The following LRIG1 variants were observed in gnomAD, a reference collection of about 807,000 sequenced individuals.
LRIG1 encodes the protein leucine-rich repeats and immunoglobulin-like domains protein 1.
LRIG1 carries 48 observed loss-of-function variants against 99.2 expected under a neutral mutation model. The ratio of observed to expected loss-of-function variants is 0.48; its 90% CI spans 0.38 to 0.62. The LOEUF is 0.62. Ranked by LOEUF, LRIG1 falls within the 20% of genes least tolerant of loss-of-function variation. LRIG1 has a pLI of 0.00. For missense variants in LRIG1, 1,646 were observed against 1,434.4 expected, an observed-to-expected ratio of 1.15 and a Z score of -2.38; for synonymous variants, 772 against 596.1, an observed-to-expected ratio of 1.29 and a Z score of -4.30.
intron 4 of LRIG1, 89 bp downstream of exon 4, chr3:66,417,040 C>A (rs1270892025): frequency 6.6e-7 from 1 of 1,505,738 alleles, no homozygotes; most frequent in Non-Finnish European, 9.1e-7. Flanking sequence ...AGGAAGCATC[C>A]CTCCTGCATC....
intron 1 of LRIG1, among the ~76,000 whole-genome samples, chr3:66,497,704 C>CAAAAAAAA (rs71616223): frequency 1.1e-5 from 1 of 89,264 alleles, no homozygotes; most frequent in Non-Finnish European, 2.0e-5. Flanking sequence ...GCACTGTTTA[C>CAAAAAAAA]AAAAAAAAAA....
chr3:66,490,823 G>A (rs1701085888), intron 1 of LRIG1, among the ~76,000 whole-genome samples: 1 of 152,132 alleles, frequency 6.6e-6, no homozygotes, highest in African/African-American at 2.4e-5. Flanking sequence ...CCTGGAATTT[G>A]ATTTTCACAG....
Position 66,447,741 on chromosome 3 carries a change from G to A in LRIG1, c.365+3818C>T, listed in dbSNP as rs114646570. Among the ~76,000 whole-genome samples, 712 of 152,236 alleles carry A rather than the reference G, an allele frequency of 4.7e-3. 10 individuals are homozygous for A. Among genetic ancestry groups the A allele is most frequent in the African/African-American group, 0.012 (516 of 41,538 alleles). On this transcript the variant is annotated intron_variant, in intron 3 of 18. Coordinates refer to ENST00000273261, the MANE Select transcript of LRIG1 (RefSeq NM_015541.3). ...TACTCCCAGGACTGAAAAATTCAAC[G>A]ATTTCCACTGTCACCAATCTTCTCG...
chr3:66,472,572 A>C (rs1700627770), intron 1 of LRIG1, among the ~76,000 whole-genome samples: 1 of 152,166 alleles, frequency 6.6e-6, no homozygotes, highest in Non-Finnish European at 1.5e-5. Flanking sequence ...AAAGAGCAAA[A>C]TACCTGTTTT....
chr3:66,390,304 T>C (rs1436438671), intron 12 of LRIG1, among the ~76,000 whole-genome samples: 2 of 152,202 alleles, frequency 1.3e-5, no homozygotes, highest in African/African-American at 4.8e-5. Flanking sequence ...TTCAATTACA[T>C]TTCTGTATAC....
chr3:66,433,296 C>T (rs914252480), intron 3 of LRIG1, among the ~76,000 whole-genome samples: 4 of 152,252 alleles, frequency 2.6e-5, no homozygotes, highest in African/African-American at 9.6e-5. Context: ...CTGTGCCGCT[C>T]TCTGGAGTGA....
rs1010797103 is a variant in LRIG1 at position 66,380,253 on chromosome 3, T to C, written c.*10A>G. 6.9e-6 allele frequency: 11 copies of C among 1,604,884 alleles called. No individual in the cohort carries two copies. The highest frequency in any genetic ancestry group is 3.3e-4 in the Middle Eastern group (2 of 6,012). Reference sequence around the variant, plus strand: ...GAGATTGGTATGACAAGAACTGAGGTAGACAAAACCTAGCTTTTTGGTGCC... The same window carrying C: ...GAGATTGGTATGACAAGAACTGAGGCAGACAAAACCTAGCTTTTTGGTGCC... On this transcript the variant is annotated 3_prime_UTR_variant, in exon 19 of 19. Transcript: ENST00000273261.
At position 66,394,110 on chromosome 3, in the gene LRIG1, G is replaced by A. The variant is rs1178048216; in HGVS notation, c.1398C>T (p.Ala466=). Residue 466 remains alanine, a synonymous_variant, in exon 12 of 19, where the codon GCC becomes GCT. Coordinates refer to ENST00000273261, the MANE Select transcript of LRIG1 (RefSeq NM_015541.3). ...IGRMLQAFVT[A]TCAHPESLKG... ...TCAGTGATTCTGGGTGGGCACAGGT[G>A]GCTGTCACAAAGGCCTGCAGCATCC... The A allele has an allele frequency of 5.0e-6, 8 of 1,613,830 alleles. No individual in the cohort carries two copies. The highest frequency in any genetic ancestry group is 6.8e-6 in the Non-Finnish European group (8 of 1,179,950).
At position 66,500,400 on chromosome 3, in the gene LRIG1, C is replaced by T; in HGVS notation, c.8G>A (p.Arg3Gln). The change falls in exon 1 of 19, where the codon CGG becomes CAG. Residue 3 changes from arginine to glutamine, a missense_variant. Coordinates refer to ENST00000273261, the MANE Select transcript of LRIG1 (RefSeq NM_015541.3). The part of the protein sequence containing the change: MA[R>Q]PVRGGLGAPR... ...GGCCCCGAGCCCTCCCCGGACCGGC[C>T]GCGCCATCTTGTCTGGAGCGCGCTG... 1 of 1,419,412 alleles carries T rather than the reference C, an allele frequency of 7.0e-7. No homozygotes were observed. Among genetic ancestry groups the T allele is most frequent in the Non-Finnish European group, 9.1e-7 (1 of 1,094,654 alleles). 87.9% of individuals were successfully genotyped at this position (1,419,412 alleles called of 1,614,324 possible). A position where few individuals can be genotyped will look rare whatever the true frequency, so the allele number is the denominator to read the frequency against.
Position 66,384,232 on chromosome 3 carries a change from G to C in LRIG1, c.1830C>G (p.Ile610Met). 2 of 1,613,954 alleles carry C rather than the reference G, an allele frequency of 1.2e-6. No homozygotes were observed. Among genetic ancestry groups the C allele is most frequent in the Non-Finnish European group, 1.7e-6 (2 of 1,179,864 alleles). Reference protein sequence around the residue: ...SFTKTPHDITIRTTTMARLEC... With the variant: ...SFTKTPHDITMRTTTMARLEC... ...CGAGGCGGGCCATGGTGGTGGTCCG[G>C]ATGGTTATGTCGTGGGGCGTTTTGG... is the stretch of plus-strand genomic sequence containing the variant. Residue 610 changes from isoleucine to methionine, a missense_variant, in exon 14 of 19, where the codon ATC becomes ATG. Ile to Met is a conservative substitution (Grantham distance 10, BLOSUM62 1). Transcript: ENST00000273261.
At chr3:66,392,973 G>A (rs1369012162) in intron 12 of LRIG1, among the ~76,000 whole-genome samples, 1 of 152,190 alleles carries the variant, frequency 6.6e-6, no homozygotes, top group Non-Finnish European at 1.5e-5. Flanking sequence ...TGCCATGTTC[G>A]CAGTGGGTTT....
intron 1 of LRIG1, among the ~76,000 whole-genome samples, chr3:66,489,936 T>C (rs1212506831): frequency 6.6e-6 from 1 of 152,122 alleles, no homozygotes; most frequent in African/African-American, 2.4e-5. Flanking sequence ...GAAAACGTGG[T>C]CTCCTTTCTG....
chr3:66,456,548 G>A (rs547326190), intron 2 of LRIG1, among the ~76,000 whole-genome samples: 1 of 149,416 alleles, frequency 6.7e-6, no homozygotes, highest in South Asian at 2.1e-4. Flanking sequence ...ACTCTAGCCT[G>A]GGCAACAGAG....
At chr3:66,390,164 TGAA>T (rs1701559872) in intron 12 of LRIG1, among the ~76,000 whole-genome samples, 1 of 152,038 alleles carries the variant, frequency 6.6e-6, no homozygotes, top group South Asian at 2.1e-4. Flanking sequence ...AGACTGGAAA[TGAA>T]GAAGTGAAAC....
At chr3:66,470,261 T>C (rs1035264874) in intron 1 of LRIG1, among the ~76,000 whole-genome samples, 1 of 152,098 alleles carries the variant, frequency 6.6e-6, no homozygotes, top group African/African-American at 2.4e-5. Context: ...CAGCCCGAGA[T>C]CTGAGTTTGT....
chr3:66,406,164 G>A, intron 8 of LRIG1: 3 of 985,530 alleles, frequency 3.0e-6, no homozygotes, highest in Non-Finnish European at 3.6e-6. Flanking sequence ...TGACTGAAGA[G>A]TGAAATGCTG....
intron 7 of LRIG1, among the ~76,000 whole-genome samples, chr3:66,407,863 T>C (rs1390168842): frequency 6.6e-6 from 1 of 152,178 alleles, no homozygotes; most frequent in Admixed American, 6.5e-5. Flanking sequence ...ACCTCTCTCA[T>C]AGCAGAAGCC....
At position 66,381,547 on chromosome 3, in the gene LRIG1, G is replaced by C. The variant is rs368658723; in HGVS notation, c.2702C>G (p.Ser901Cys). ...TTTCCACGGCTCTTTGTGATACGCA[G>C]ACCCAGCACAGAGCTTTGGCTGCCT... ...ACRQPKLCAG[S>C]AYHKEPWKAM... Residue 901 changes from serine to cysteine, a missense_variant, in exon 17 of 19, where the codon TCT becomes TGT. Ser to Cys is a moderately radical substitution (Grantham distance 112, BLOSUM62 -1). Coordinates refer to ENST00000273261, the MANE Select transcript of LRIG1 (RefSeq NM_015541.3). 1.9e-6 allele frequency: 3 copies of C among 1,614,012 alleles called. No individual in the cohort carries two copies. In the African/African-American group the frequency reaches 4.0e-5, roughly 22 times the overall value.
At chr3:66,451,682 G>A (rs764298519) in intron 2 of LRIG1, 49 bp from the exon 3 acceptor site, 12 of 1,355,644 alleles carry the variant, frequency 8.9e-6, no homozygotes, top group Non-Finnish European at 3.2e-6. Context: ...GAATTAGTCT[G>A]AAATCATACA....
Sources: gnomAD v4.1 joint callset for allele counts (sites outside exome capture counted in the v4.1 genomes callset) on GRCh38, gnomAD v4.1.1 for gene constraint, MANE v1.5 for transcripts, NCBI Gene and HGNC (gene_info 2026-07-23, HGNC 2026-07-21) for gene names.